Variants in DGAT1 observed in about 807,000 individuals in gnomAD.
The protein encoded by DGAT1 is diacylglycerol O-acyltransferase 1, also known as ACAT related gene product 1.
Under a neutral mutation model 72.6 loss-of-function variants are expected in DGAT1, and 60 were observed. The ratio of observed to expected loss-of-function variants is 0.83; its 90% CI spans 0.67 to 1.02. DGAT1 has a LOEUF of 1.02. Among genes scored for constraint, DGAT1 ranks in the 50% least tolerant of loss-of-function variants. The probability of loss-of-function intolerance (pLI) is 0.00; values close to 1 mark genes in which losing one functional copy is unlikely to be tolerated. For synonymous variants in DGAT1, 290 were observed against 267.5 expected (o/e 1.08, Z -0.82); for missense variants, 592 against 670.0 (o/e 0.88, Z 1.29).
chr8:144,323,800 A>C (rs1817524132), intron 1 of DGAT1, among the ~76,000 whole-genome samples: 3 of 152,200 alleles, frequency 2.0e-5, no homozygotes, highest in Non-Finnish European at 4.4e-5. Flanking sequence ...GCCCAAAGGC[A>C]CAGGTCCCAG....
Position 144,326,455 on chromosome 8 carries a change from C to T in DGAT1, c.182G>A (p.Ser61Asn). The change falls in exon 1 of 17, where the codon AGC (serine) becomes AAC (asparagine). Residue 61 changes from serine (S) to asparagine (N), a missense_variant. Transcript: ENST00000528718. Reference sequence around the variant, plus strand: ...CCGCTACCTCAGCTCCCAGTGGCCGCTGCCCACGCCGGCGTCTCCGTCCTT... The same window carrying T: ...CCGCTACCTCAGCTCCCAGTGGCCGTTGCCCACGCCGGCGTCTCCGTCCTT... ...PNKDGDAGVG[S>N]GHWELRCHRL... 2 of 1,356,264 alleles carry T rather than the reference C, an allele frequency of 1.5e-6. No homozygotes were observed. Among genetic ancestry groups the T allele is most frequent in the South Asian group, 1.7e-5 (1 of 59,576 alleles). The allele number at this position is 1,356,264 out of a possible 1,614,324, so 84.0% of individuals were successfully genotyped here.
chr8:144,319,051 C>A lies in DGAT1; in HGVS notation c.306G>T (p.Arg102=). 1 of 1,556,598 alleles carries A rather than the reference C, an allele frequency of 6.4e-7. No homozygotes were observed. Among genetic ancestry groups the A allele is most frequent in the Non-Finnish European group, 8.7e-7 (1 of 1,150,012 alleles). ...ACTTGATGAGGTTCTCCAGAAATAACCGGGCATTGCTCAAGATCTGCGAGG... is the reference window on the plus strand; with the variant it reads ...ACTTGATGAGGTTCTCCAGAAATAAACGGGCATTGCTCAAGATCTGCGAGG... The part of the protein sequence containing the change: ...CVVMLILSNA[R]LFLENLIKYG... Residue 102 remains arginine, a synonymous_variant, in exon 3 of 17, where the codon CGG becomes CGT. Transcript: ENST00000528718.
chr8:144,324,424 T>C (rs2130545314), intron 1 of DGAT1, among the ~76,000 whole-genome samples: 1 of 152,116 alleles, frequency 6.6e-6, no homozygotes, highest in South Asian at 2.1e-4. Flanking sequence ...GAGCCCAGTG[T>C]CCACAGCCAG....
chr8:144,326,132 C>G (rs948715602), intron 1 of DGAT1, among the ~76,000 whole-genome samples: 14 of 152,078 alleles, frequency 9.2e-5, no homozygotes, highest in African/African-American at 3.4e-4. Flanking sequence ...GGGCCGGGCC[C>G]CCACCAGCCC....
rs551290635 is a variant in DGAT1 at position 144,323,479 on chromosome 8, T to C, written c.201-2071A>G. 3.3e-4 allele frequency among the ~76,000 whole-genome samples: 49 copies of C among 150,734 alleles called. No individual in the cohort carries two copies. In the South Asian group the frequency reaches 4.8e-3, roughly 15 times the overall value. On this transcript the variant is annotated intron_variant, in intron 1 of 16. Transcript: ENST00000528718. ...CCCAGTCCACCAGTGCCCACAGAGC[T>C]CCAAGCAGTCAGTGCGGCCAGCAGC...
rs1554846831 is a variant in DGAT1 at position 144,315,647 on chromosome 8, G to C, written c.*907C>G. 1.3e-5 allele frequency: 13 copies of C among 982,282 alleles called. No homozygotes were observed. Among genetic ancestry groups the C allele is most frequent in the African/African-American group, 1.7e-5 (1 of 57,162 alleles). The allele number at this position is 982,282 out of a possible 1,614,324, so 60.8% of individuals were successfully genotyped here. ...GTGGATTGCAGGGCCTGGGAACAAG[G>C]TGTCCTGAAGGCTGCAGGGCTGCGC... On this transcript the variant is annotated 3_prime_UTR_variant, in exon 17 of 17. Transcript: ENST00000528718.
In DGAT1 at chr8:144,314,729, C is replaced by T. The variant is rs1359780398; in HGVS notation, c.*1825G>A. On this transcript the variant is annotated 3_prime_UTR_variant, in exon 17 of 17. Coordinates refer to ENST00000528718, the MANE Select transcript of DGAT1 (RefSeq NM_012079.6). Reference sequence around the variant, plus strand: ...ACAGACAGGCTCTATGCTATGGCCTCCATGTGTTTCCTCTGTCCCAGGGTG... The same window carrying T: ...ACAGACAGGCTCTATGCTATGGCCTTCATGTGTTTCCTCTGTCCCAGGGTG... 4.4e-6 allele frequency: 1 copy of T among 225,266 alleles called. No individual in the cohort carries two copies. Among genetic ancestry groups the T allele is most frequent in the African/African-American group, 2.2e-5 (1 of 44,554 alleles). 14.0% of individuals were successfully genotyped at this position (225,266 alleles called of 1,614,324 possible). A position where few individuals can be genotyped will look rare whatever the true frequency, so the allele number is the denominator to read the frequency against.
Position 144,315,851 on chromosome 8 carries a change from C to T in DGAT1, c.*703G>A. 2.0e-6 allele frequency: 2 copies of T among 985,488 alleles called. No homozygotes were observed. Among genetic ancestry groups the T allele is most frequent in the Non-Finnish European group, 2.4e-6 (2 of 829,944 alleles). 61.0% of individuals were successfully genotyped at this position (985,488 alleles called of 1,614,324 possible). On this transcript the variant is annotated 3_prime_UTR_variant, in exon 17 of 17. Transcript: ENST00000528718. ...CTGCCCCAAGGCGAATAGCCATGGA[C>T]ATAGCCATTGTGTACCGTAGCCCCT...
chr8:144,322,598 C>G (rs2130539293), intron 1 of DGAT1, among the ~76,000 whole-genome samples: 1 of 152,340 alleles, frequency 6.6e-6, no homozygotes, highest in Non-Finnish European at 1.5e-5. Context: ...CAAGCCCAAC[C>G]TTTGCTCCCC....
At position 144,326,782 on chromosome 8, in the gene DGAT1, G is replaced by C. The variant is rs1330976396; in HGVS notation, c.-146C>G. On this transcript the variant is annotated 5_prime_UTR_variant, in exon 1 of 17. Transcript: ENST00000528718. ...TAGCCCGGGTGACCGCCTCACCAGC[G>C]CGTTCAACCCGCCCGCGTCGGGCCC... 4 of 631,378 alleles carry C rather than the reference G, an allele frequency of 6.3e-6. No homozygotes were observed. In the East Asian group the frequency reaches 2.4e-4, roughly 38 times the overall value. 39.1% of individuals were successfully genotyped at this position (631,378 alleles called of 1,614,324 possible). A position where few individuals can be genotyped will look rare whatever the true frequency, so the allele number is the denominator to read the frequency against.
chr8:144,317,038 G>A lies in DGAT1; in HGVS notation c.1232C>T (p.Ser411Leu), dbSNP rs573410614. ...AGCACTGACCTCGTGGAAGAAGGCC[G>A]AGGCCAGGAACACCCCTGTCCTGGC... Reference protein sequence around the residue: ...WMARTGVFLASAFFHEYLVSV... With the variant: ...WMARTGVFLALAFFHEYLVSV... Residue 411 changes from serine (S) to leucine (L), a missense_variant, in exon 15 of 17, where the codon TCG becomes TTG. Ser to Leu is a moderately radical substitution (Grantham distance 145). Transcript: ENST00000528718. The A allele has an allele frequency of 1.2e-6, 2 of 1,612,432 alleles. No homozygotes were observed. Among genetic ancestry groups the A allele is most frequent in the Non-Finnish European group, 1.7e-6 (2 of 1,179,776 alleles).
At chr8:144,326,331 C>T in intron 1 of DGAT1, 106 bp downstream of exon 1, 1 of 1,089,722 alleles carries the variant, frequency 9.2e-7, no homozygotes, top group Non-Finnish European at 1.2e-6. Context: ...CCGATCCCCG[C>T]TTAGCCCAGG....
At chr8:144,319,601 G>C (rs535379045) in intron 2 of DGAT1, among the ~76,000 whole-genome samples, 10 of 152,342 alleles carry the variant, frequency 6.6e-5, no homozygotes, top group African/African-American at 2.4e-4. Context: ...TGTGTCGCAA[G>C]GGGGGCTGGG....
intron 3 of DGAT1, 25 bp from the exon 4 acceptor site, chr8:144,318,945 G>A: frequency 6.5e-7 from 1 of 1,538,876 alleles, no homozygotes; most frequent in Non-Finnish European, 8.8e-7. Context: ...ATGGGGGTCT[G>A]AGTGGGTGGC....
At chr8:144,325,841 G>A (rs938708396) in intron 1 of DGAT1, among the ~76,000 whole-genome samples, 5 of 152,184 alleles carry the variant, frequency 3.3e-5, no homozygotes, top group Non-Finnish European at 7.4e-5. Context: ...CAGGGCTCCA[G>A]GCCAGCCTAA....
rs144926210 is a variant in DGAT1, at chr8:144,322,291, A to T, written c.201-883T>A. On this transcript the variant is annotated intron_variant, in intron 1 of 16. Transcript: ENST00000528718. ...TAGGAAGCAGTGCTGGCTCATATAC[A>T]CTAGCTGCAGGCCCGCCTCACCCCC... is the stretch of plus-strand genomic sequence containing the variant. 2.0e-5 allele frequency among the ~76,000 whole-genome samples: 3 copies of T among 152,262 alleles called. No homozygotes were observed. The East Asian group carries it at 5.8e-4, about 29-fold the overall frequency.
intron 1 of DGAT1, among the ~76,000 whole-genome samples, chr8:144,323,988 GGA>G (rs782079232): frequency 2.0e-5 from 3 of 152,258 alleles, no homozygotes; most frequent in Non-Finnish European, 4.4e-5. Flanking sequence ...AGAGAGAAAG[GGA>G]GAGTCAGAAA....
intron 1 of DGAT1, among the ~76,000 whole-genome samples, chr8:144,324,406 A>T (rs1362497165): frequency 6.6e-6 from 1 of 152,198 alleles, no homozygotes; most frequent in Admixed American, 6.5e-5. Context: ...CGCAGACAGC[A>T]GGGAGAAGAG....
chr8:144,326,398 C>T (rs1817592872), intron 1 of DGAT1, 39 bp downstream of exon 1: 1 of 1,378,960 alleles, frequency 7.3e-7, no homozygotes, highest in Non-Finnish European at 9.5e-7. Flanking sequence ...AGTCGCGGGG[C>T]CCTTGGGTCA....
Sources: gnomAD v4.1 joint callset for allele counts (sites outside exome capture counted in the v4.1 genomes callset) on GRCh38, gnomAD v4.1.1 for gene constraint, MANE v1.5 for transcripts, NCBI Gene and HGNC (gene_info 2026-07-23, HGNC 2026-07-21) for gene names.